Variants in CNR1 observed in about 807,000 individuals in gnomAD.
The protein encoded by CNR1 is cannabinoid receptor 1 (brain).
CNR1 carries 10 observed loss-of-function variants against 23.0 expected under a neutral mutation model. The ratio of observed to expected loss-of-function variants is 0.43; its 90% CI spans 0.27 to 0.74. The LOEUF is 0.74. Ranked by LOEUF, CNR1 falls within the 30% of genes least tolerant of loss-of-function variation. The pLI is 0.19. For synonymous variants in CNR1, 271 were observed against 255.2 expected (o/e 1.06, Z -0.59); for missense variants, 422 against 618.8 (o/e 0.68, Z 3.37).
intron 1 of CNR1, among the ~76,000 whole-genome samples, chr6:88,149,674 T>C (rs1777416045): frequency 6.6e-6 from 1 of 152,218 alleles, no homozygotes; most frequent in Admixed American, 6.5e-5. Context: ...CTTCACCTTG[T>C]CCCTTCTTTT....
chr6:88,166,957 G>A (rs1582389860), upstream of CNR1, among the ~76,000 whole-genome samples: 1 of 151,870 alleles, frequency 6.6e-6, no homozygotes, highest in South Asian at 2.1e-4. Flanking sequence ...CCCCCGAGCC[G>A]TTCGCTACCT....
intron 1 of CNR1, 84 bp from the exon 2 acceptor site, chr6:88,145,421 A>G: frequency 1.5e-6 from 1 of 669,144 alleles, no homozygotes. Flanking sequence ...TGGCAAATGT[A>G]CTGTCATGGC....
chr6:88,161,020 CT>C, intron 1 of CNR1, among the ~76,000 whole-genome samples: 1 of 151,932 alleles, frequency 6.6e-6, no homozygotes, highest in East Asian at 1.9e-4. Flanking sequence ...ATTTATTTGC[CT>C]TTTGTGTTGA....
chr6:88,166,303 C>G lies in CNR1; in HGVS notation c.-564G>C, dbSNP rs544886365. On this transcript the variant is annotated 5_prime_UTR_variant, in exon 1 of 2. Coordinates refer to ENST00000369501, the MANE Select transcript of CNR1 (RefSeq NM_016083.6). Reference sequence around the variant, plus strand: ...CCAGCCCGGGCGCCCGTCGCCTCGTCCCGCTCGCGCAGTCCCTGCCGCTCC... The same window carrying G: ...CCAGCCCGGGCGCCCGTCGCCTCGTGCCGCTCGCGCAGTCCCTGCCGCTCC... 5.9e-5 allele frequency: 9 copies of G among 152,640 alleles called. No individual in the cohort carries two copies. Among genetic ancestry groups the G allele is most frequent in the African/African-American group, 1.9e-4 (8 of 41,568 alleles). The allele number at this position is 152,640 out of a possible 1,614,324, so 9.5% of individuals were successfully genotyped here.
At chr6:88,147,976 G>C (rs943053378) in intron 1 of CNR1, among the ~76,000 whole-genome samples, 5 of 152,162 alleles carry the variant, frequency 3.3e-5, no homozygotes, top group African/African-American at 4.8e-5. Flanking sequence ...TCCCTAAACA[G>C]GATGGCTTTC....
At chr6:88,158,564 AGGATC>A (rs1358252630) in intron 1 of CNR1, among the ~76,000 whole-genome samples, 4 of 152,208 alleles carry the variant, frequency 2.6e-5, no homozygotes, top group Non-Finnish European at 4.4e-5. Context: ...ACAAATTCTC[AGGATC>A]CAGATCAGAT....
intron 1 of CNR1, among the ~76,000 whole-genome samples, chr6:88,151,962 G>A (rs748093709): frequency 2.6e-5 from 4 of 152,096 alleles, no homozygotes; most frequent in Non-Finnish European, 4.4e-5. Flanking sequence ...AAATTGCCTA[G>A]AATATGATGG....
chr6:88,144,360 G>A lies in CNR1; in HGVS notation c.915C>T (p.Ala305=), dbSNP rs201218508. ...MYILWKAHSH[A]VRMIQRGTQK... Reference sequence around the variant, plus strand: ...GGGTGCCACGCTGAATCATGCGGACGGCGTGGCTGTGAGCCTTCCAGAGAA... The same window carrying A: ...GGGTGCCACGCTGAATCATGCGGACAGCGTGGCTGTGAGCCTTCCAGAGAA... Residue 305 remains alanine, a synonymous_variant, in exon 2 of 2, where the codon GCC becomes GCT. Coordinates refer to ENST00000369501, the MANE Select transcript of CNR1 (RefSeq NM_016083.6). This position sits in a 1 kb window ranked among gnomAD's most constrained non-coding sequence, Gnocchi z 7.8. The A allele has an allele frequency of 7.4e-6, 12 of 1,613,854 alleles. No individual in the cohort carries two copies. Among genetic ancestry groups the A allele is most frequent in the East Asian group, 6.7e-5 (3 of 44,880 alleles).
chr6:88,149,189 A>C (rs1361330254), intron 1 of CNR1, among the ~76,000 whole-genome samples: 3 of 152,194 alleles, frequency 2.0e-5, no homozygotes, highest in Non-Finnish European at 4.4e-5. Context: ...ATGCAGAAAT[A>C]AAAGACCAAA....
At chr6:88,150,962 C>A (rs939788998) in intron 1 of CNR1, among the ~76,000 whole-genome samples, 2 of 152,198 alleles carry the variant, frequency 1.3e-5, no homozygotes, top group African/African-American at 4.8e-5. Flanking sequence ...CTTGGACTTA[C>A]TATGACACCT....
chr6:88,142,721 A>C lies in CNR1; in HGVS notation c.*1135T>G, dbSNP rs1271332198. ...GTTTATACTTGGTCACAGTTTTCTC[A>C]CTTTATGACATTACTGTAACAGTTA... is the stretch of plus-strand genomic sequence containing the variant. On this transcript the variant is annotated 3_prime_UTR_variant, in exon 2 of 2. Coordinates refer to ENST00000369501, the MANE Select transcript of CNR1 (RefSeq NM_016083.6). 1 of 152,636 alleles carries C rather than the reference A, an allele frequency of 6.6e-6. No individual in the cohort carries two copies. Among genetic ancestry groups the C allele is most frequent in the East Asian group, 1.9e-4 (1 of 5,344 alleles). The allele number at this position is 152,636 out of a possible 1,614,324, so 9.5% of individuals were successfully genotyped here.
In CNR1 at chr6:88,143,666, C is replaced by A; in HGVS notation, c.*190G>T. 1.7e-6 allele frequency: 1 copy of A among 582,578 alleles called. No homozygotes were observed. Among genetic ancestry groups the A allele is most frequent in the Non-Finnish European group, 3.0e-6 (1 of 328,636 alleles). 36.1% of individuals were successfully genotyped at this position (582,578 alleles called of 1,614,324 possible). On this transcript the variant is annotated 3_prime_UTR_variant, in exon 2 of 2. Transcript: ENST00000369501. The stretch of plus-strand genomic sequence containing the variant: ...CAACAGGCTTTCTTCACTGTAAACC[C>A]CTGGAGAATGGAGTTTGAGTACCTA...
intron 1 of CNR1, among the ~76,000 whole-genome samples, chr6:88,164,948 A>G (rs896840284): frequency 5.3e-5 from 8 of 152,372 alleles, no homozygotes; most frequent in African/African-American, 1.9e-4. Context: ...GAGGAGGCTT[A>G]CTATATCAGG....
chr6:88,164,015 A>G (rs1231362732), intron 1 of CNR1, among the ~76,000 whole-genome samples: 3 of 152,236 alleles, frequency 2.0e-5, no homozygotes, highest in Admixed American at 6.5e-5. Context: ...ACACTAAATA[A>G]TAATCACTTA....
chr6:88,155,569 T>C (rs966974187), intron 1 of CNR1, among the ~76,000 whole-genome samples: 7 of 152,160 alleles, frequency 4.6e-5, no homozygotes, highest in African/African-American at 1.7e-4. Flanking sequence ...CTTTCATTCA[T>C]TTACAGGGAA....
rs1322252540 is a variant in CNR1, at chr6:88,141,905, T to C, written c.*1951A>G. The C allele has an allele frequency of 1.3e-5, 2 of 152,360 alleles. No homozygotes were observed. Among genetic ancestry groups the C allele is most frequent in the Non-Finnish European group, 1.5e-5 (1 of 68,046 alleles). The allele number at this position is 152,360 out of a possible 1,614,324, so 9.4% of individuals were successfully genotyped here. On this transcript the variant is annotated 3_prime_UTR_variant, in exon 2 of 2. Coordinates refer to ENST00000369501, the MANE Select transcript of CNR1 (RefSeq NM_016083.6). The stretch of plus-strand genomic sequence containing the variant: ...TACTTCACTTCAGACTATGTAAACC[T>C]TGGGGCCTTGTAGGAGTCATGTTTT...
At chr6:88,153,679 A>C (rs1418783503) in intron 1 of CNR1, among the ~76,000 whole-genome samples, 2 of 152,216 alleles carry the variant, frequency 1.3e-5, no homozygotes, top group Non-Finnish European at 2.9e-5. Flanking sequence ...TTTTCCATTC[A>C]TTTCTGGGAA....
chr6:88,146,693 T>G (rs1006843330), intron 1 of CNR1, among the ~76,000 whole-genome samples: 1 of 152,250 alleles, frequency 6.6e-6, no homozygotes, highest in South Asian at 2.1e-4. Flanking sequence ...TTTTAAAAAT[T>G]AGAAGTATAG....
intron 1 of CNR1, among the ~76,000 whole-genome samples, chr6:88,157,905 A>G (rs1159157481): frequency 6.6e-6 from 1 of 152,236 alleles, no homozygotes; most frequent in Non-Finnish European, 1.5e-5. Flanking sequence ...GGACACAGTG[A>G]CTTTCTAAAT....
Sources: allele counts gnomAD v4.1 joint callset (sites outside exome capture counted in the v4.1 genomes callset), GRCh38; gene constraint gnomAD v4.1.1; non-coding constraint Gnocchi (gnomAD v3.1); transcripts MANE v1.5; gene names NCBI Gene and HGNC (gene_info 2026-07-23, HGNC 2026-07-21).